The following EPB41L1 variants were observed in gnomAD, a reference collection of about 807,000 sequenced individuals.
EPB41L1 encodes the protein band 4.1-like protein 1.
A neutral mutation model predicts 97.8 loss-of-function variants in EPB41L1; 29 were observed. The ratio of observed to expected loss-of-function variants is 0.30; its 90% confidence interval spans 0.22 to 0.40. The LOEUF (loss-of-function observed/expected upper bound fraction) is 0.40. Ranked by LOEUF, EPB41L1 falls within the 10% of genes least tolerant of loss-of-function variation. The probability of loss-of-function intolerance (pLI) is 1.00; values close to 1 mark genes in which losing one functional copy is unlikely to be tolerated. For missense variants in EPB41L1, 812 were observed against 1,162.3 expected (o/e 0.70, Z 4.38); for synonymous variants, 383 against 459.2 (o/e 0.83, Z 2.12).
rs2058252104 is a variant in EPB41L1, at chr20:36,107,846, A to G, written c.-64-4580A>G. Among the ~76,000 whole-genome samples, 4 of 151,984 alleles carry G rather than the reference A, an allele frequency of 2.6e-5. No individual in the cohort carries two copies. In the South Asian group the frequency reaches 8.3e-4, roughly 31 times the overall value. ...TCCATCTTAAAAAAAAAAAAATTGT[A>G]AAGGCAAGGAGAAGCTAAATATCTT... On this transcript the variant is annotated intron_variant, in intron 1 of 19. Transcript: ENST00000202028.
chr20:36,120,173 A>G (rs2147663839), intron 2 of EPB41L1, among the ~76,000 whole-genome samples: 1 of 152,366 alleles, frequency 6.6e-6, no homozygotes, highest in East Asian at 1.9e-4. Flanking sequence ...CGTGGTTATA[A>G]GTGATTCATT....
At position 36,199,868 on chromosome 20, in the gene EPB41L1, G is replaced by T. The variant is rs182549952; in HGVS notation, c.1668+1827G>T. The stretch of plus-strand genomic sequence containing the variant: ...GGGAGGATGAGCCCTGGGAAGTGAG[G>T]TCTAGACCTCTGGAGTGTCTCAGTG... On this transcript the variant is annotated intron_variant, in intron 14 of 21. Coordinates refer to ENST00000338074, the MANE Select transcript of EPB41L1 (RefSeq NM_012156.2). 1.5e-3 allele frequency among the ~76,000 whole-genome samples: 234 copies of T among 152,310 alleles called. 5 individuals carry two copies. Among genetic ancestry groups the T allele is most frequent in the African/African-American group, 5.3e-3 (221 of 41,580 alleles).
chr20:36,208,762 G>A (rs971205017), intron 14 of EPB41L1, among the ~76,000 whole-genome samples: 3 of 152,188 alleles, frequency 2.0e-5, no homozygotes, highest in Non-Finnish European at 4.4e-5. Context: ...TCGGACAAGA[G>A]TTGCTGGTTC....
intron 21 of EPB41L1, among the ~76,000 whole-genome samples, chr20:36,227,930 A>G (rs1370643431): frequency 6.6e-6 from 1 of 152,200 alleles, no homozygotes; most frequent in Non-Finnish European, 1.5e-5. Context: ...CACCAGCAAG[A>G]GGGCAGCACT....
intron 2 of EPB41L1, among the ~76,000 whole-genome samples, chr20:36,120,116 A>G (rs1264305156): frequency 2.0e-5 from 3 of 152,232 alleles, no homozygotes; most frequent in Non-Finnish European, 4.4e-5. Flanking sequence ...AGCGCTAATA[A>G]CCATTAAAAC....
intron 1 of EPB41L1, among the ~76,000 whole-genome samples, chr20:36,103,160 G>C (rs79582020): frequency 6.6e-6 from 1 of 152,160 alleles, no homozygotes; most frequent in South Asian, 2.1e-4. Context: ...TCCCCTCTGG[G>C]GGATGAGTTC....
At position 36,222,354 on chromosome 20, in the gene EPB41L1, A is replaced by T; in HGVS notation, c.2597A>T (p.Glu866Val). 6.2e-7 allele frequency: 1 copy of T among 1,614,156 alleles called. No homozygotes were observed. ...MLVTKAVVYR[E>V]TDPSPEERDK... ...GTAACCAAAGCTGTCGTATACAGAGAAACAGACCCATCCCCAGAGGAGAGG... is the reference window on the plus strand; with the variant it reads ...GTAACCAAAGCTGTCGTATACAGAGTAACAGACCCATCCCCAGAGGAGAGG... The change falls in exon 21 of 22, where the codon GAA (glutamate) becomes GTA (valine). Residue 866 changes from glutamate (E) to valine (V), a missense_variant. By Grantham distance (121) the Glu-to-Val change is moderately radical. Coordinates refer to ENST00000338074, the MANE Select transcript of EPB41L1 (RefSeq NM_012156.2).
intron 1 of EPB41L1, among the ~76,000 whole-genome samples, chr20:36,164,440 C>G (rs2060655347): frequency 6.6e-6 from 1 of 152,146 alleles, no homozygotes; most frequent in Non-Finnish European, 1.5e-5. Flanking sequence ...CCCCTGCCCC[C>G]CATCTCCTCT....
intron 1 of EPB41L1, 63 bp from the exon 2 acceptor site, chr20:36,173,701 C>G: frequency 6.8e-7 from 1 of 1,474,432 alleles, no homozygotes; most frequent in Non-Finnish European, 9.5e-7. Context: ...TGGTTCCTGC[C>G]CCTCTCGCTG....
intron 2 of EPB41L1, among the ~76,000 whole-genome samples, chr20:36,116,054 A>C (rs1248261531): frequency 6.6e-6 from 1 of 152,212 alleles, no homozygotes; most frequent in Non-Finnish European, 1.5e-5. Flanking sequence ...CCTGTACTAC[A>C]ACCCAGTGCA....
At chr20:36,184,234 CAAAAAAAG>C (rs2061586039) in intron 6 of EPB41L1, among the ~76,000 whole-genome samples, 1 of 145,882 alleles carries the variant, frequency 6.9e-6, no homozygotes, top group Admixed American at 6.9e-5. Flanking sequence ...GACTCCATCT[CAAAAAAAG>C]AAAAAAAGAA....
chr20:36,209,171 G>A lies in EPB41L1; in HGVS notation c.1669-317G>A, dbSNP rs749152694. On this transcript the variant is annotated intron_variant, in intron 14 of 21. Transcript: ENST00000338074. The surrounding 1 kb of genome is among the most constrained non-coding windows in gnomAD (Gnocchi z 4.2). ...TTTCGTGCAATGCTGCTTCCAATAA[G>A]CTCCCAGATCCAATACCCTTGGATG... Among the ~76,000 whole-genome samples, 4 of 152,134 alleles carry A rather than the reference G, an allele frequency of 2.6e-5. No homozygotes were observed. Among genetic ancestry groups the A allele is most frequent in the Non-Finnish European group, 5.9e-5 (4 of 68,030 alleles).
Position 36,190,548 on chromosome 20 carries a change from C to G in EPB41L1, c.1125-74C>G. On this transcript the variant is annotated intron_variant, in intron 10 of 21. Transcript: ENST00000338074. This position sits in a 1 kb window ranked among gnomAD's most constrained non-coding sequence, Gnocchi z 5.8. Reference sequence around the variant, plus strand: ...GTTGGTGGAGTAGTGGGATGAAAGGCCAGCTGTGGTCTAACCTTGGGCCTG... The same window carrying G: ...GTTGGTGGAGTAGTGGGATGAAAGGGCAGCTGTGGTCTAACCTTGGGCCTG... 6.3e-7 allele frequency: 1 copy of G among 1,593,746 alleles called. No homozygotes were observed. Among genetic ancestry groups the G allele is most frequent in the Non-Finnish European group, 8.6e-7 (1 of 1,165,030 alleles).
chr20:36,161,927 AT>A (rs1303063444), intron 1 of EPB41L1, among the ~76,000 whole-genome samples: 1 of 151,850 alleles, frequency 6.6e-6, no homozygotes, highest in African/African-American at 2.4e-5. Context: ...TGCCCGGCTA[AT>A]TTGGGGGGGG....
chr20:36,114,542 A>G (rs1393561046), intron 2 of EPB41L1, among the ~76,000 whole-genome samples: 3 of 152,080 alleles, frequency 2.0e-5, no homozygotes, highest in Non-Finnish European at 2.9e-5. Context: ...GGTCTATACA[A>G]TTGGGCATGG....
At chr20:36,142,368 A>G (rs1449166348) in intron 2 of EPB41L1, among the ~76,000 whole-genome samples, 1 of 152,220 alleles carries the variant, frequency 6.6e-6, no homozygotes, top group Non-Finnish European at 1.5e-5. Flanking sequence ...ACTCCTGTAT[A>G]CAGTGCTTAG....
At chr20:36,201,350 G>A (rs1322979808) in intron 14 of EPB41L1, among the ~76,000 whole-genome samples, 1 of 152,154 alleles carries the variant, frequency 6.6e-6, no homozygotes, top group Admixed American at 6.5e-5. Context: ...TAGGGTCAGG[G>A]GTCATGCTAG....
rs1257776092 is a variant in EPB41L1 at position 36,206,138 on chromosome 20, G to A, written c.1669-3350G>A. 7.8e-7 allele frequency: 1 copy of A among 1,289,788 alleles called. No homozygotes were observed. The highest frequency in any genetic ancestry group is 5.5e-5 in the East Asian group (1 of 18,036). 79.9% of individuals were successfully genotyped at this position (1,289,788 alleles called of 1,614,324 possible). On this transcript the variant is annotated intron_variant, in intron 14 of 21. Transcript: ENST00000338074. The surrounding 1 kb of genome is among the most constrained non-coding windows in gnomAD (Gnocchi z 5.5). ...GAGGAAGGCCCCTGGATCAGGGAAA[G>A]CCCAGGAGGGGCTGCCCTGGCTTCC...
rs147969715 is a variant in EPB41L1, at chr20:36,221,383, T to C, written c.2440-481T>C. Among the ~76,000 whole-genome samples the C allele has an allele frequency of 5.8e-3, 877 of 152,328 alleles. 9 individuals are homozygous for C. Among genetic ancestry groups the C allele is most frequent in the African/African-American group, 0.019 (799 of 41,554 alleles). On this transcript the variant is annotated intron_variant, in intron 19 of 21. Transcript: ENST00000338074. The stretch of plus-strand genomic sequence containing the variant: ...CATGTGTTCATTCAACAAATCTGCA[T>C]TCAGCACTGCCCTGGTTAGACTGGG...
Sources: gnomAD v4.1 joint callset for allele counts (sites outside exome capture counted in the v4.1 genomes callset) on GRCh38, gnomAD v4.1.1 for gene constraint, Gnocchi (gnomAD v3.1) non-coding constraint, MANE v1.5 for transcripts, NCBI Gene and HGNC (gene_info 2026-07-23, HGNC 2026-07-21) for gene names.